HNF1B: variants seen among roughly 807,000 people sequenced by gnomAD.
The protein encoded by HNF1B is hepatocyte nuclear factor 1-beta.
Under a neutral mutation model 61.7 loss-of-function variants are expected in HNF1B, and 8 were observed. That is an observed-to-expected ratio of 0.13 (90% CI 0.08 to 0.23). The LOEUF is 0.23. Among genes scored for constraint, HNF1B ranks in the 10% least tolerant of loss-of-function variants. HNF1B has a pLI of 1.00. For missense variants in HNF1B, 562 were observed against 714.5 expected (o/e 0.79, Z 2.43); for synonymous variants, 314 against 287.7 (o/e 1.09, Z -0.93).
intron 4 of HNF1B, among the ~76,000 whole-genome samples, chr17:37,721,663 C>G (rs1264785005): frequency 1.3e-5 from 2 of 152,196 alleles, no homozygotes; most frequent in East Asian, 3.9e-4. Flanking sequence ...TCAGAACTCT[C>G]CTGCTCCATC....
intron 8 of HNF1B, among the ~76,000 whole-genome samples, chr17:37,693,650 A>G (rs1414179297): frequency 6.6e-6 from 1 of 152,188 alleles, no homozygotes; most frequent in Non-Finnish European, 1.5e-5. Context: ...TTTGACCAAG[A>G]AATCCTTCTC....
Position 37,710,711 on chromosome 17 carries a change from C to G in HNF1B, c.1046-48G>C, listed in dbSNP as rs189520630. On this transcript the variant is annotated intron_variant, in intron 4 of 8. Coordinates refer to ENST00000617811, the MANE Select transcript of HNF1B (RefSeq NM_000458.4). ...TAGGGAACATTAGTGCCACCAGGGT[C>G]CTGGAACAATGACTCGGCACCTCTT... is the stretch of plus-strand genomic sequence containing the variant. The G allele has an allele frequency of 1.6e-5, 26 of 1,583,558 alleles. No individual in the cohort carries two copies. The East Asian group carries it at 5.4e-4, about 33-fold the overall frequency.
At chr17:37,703,491 T>C (rs760149840) in intron 6 of HNF1B, among the ~76,000 whole-genome samples, 6 of 152,184 alleles carry the variant, frequency 3.9e-5, no homozygotes, top group Non-Finnish European at 7.3e-5. Flanking sequence ...GTTTGTTTAT[T>C]ATTTTGGTTG....
At chr17:37,723,939 A>T (rs539589390) in intron 4 of HNF1B, among the ~76,000 whole-genome samples, 29 of 152,204 alleles carry the variant, frequency 1.9e-4, no homozygotes, top group Non-Finnish European at 3.7e-4. Flanking sequence ...AAGGTCACAC[A>T]GCAGTAAGTG....
chr17:37,706,025 C>G lies in HNF1B; in HGVS notation c.1207-976G>C, dbSNP rs574120191. Among the ~76,000 whole-genome samples, 5 of 152,222 alleles carry G rather than the reference C, an allele frequency of 3.3e-5. No individual in the cohort carries two copies. In the South Asian group the frequency reaches 1.0e-3, roughly 32 times the overall value. ...CCAGGCTGGAGTGCAGTGGCATGATCTCTGCTCACTGCAACCTCCGCCTTG... is the reference window on the plus strand; with the variant it reads ...CCAGGCTGGAGTGCAGTGGCATGATGTCTGCTCACTGCAACCTCCGCCTTG... On this transcript the variant is annotated intron_variant, in intron 5 of 8. Coordinates refer to ENST00000617811, the MANE Select transcript of HNF1B (RefSeq NM_000458.4).
chr17:37,694,805 G>A (rs1485789402), intron 8 of HNF1B, among the ~76,000 whole-genome samples: 3 of 152,096 alleles, frequency 2.0e-5, no homozygotes, highest in South Asian at 4.1e-4. Context: ...ATTTCTAAGC[G>A]GTAAAACATT....
intron 8 of HNF1B, among the ~76,000 whole-genome samples, 175 bp downstream of exon 8, chr17:37,698,901 G>A (rs1231071476): frequency 1.1e-5 from 1 of 92,768 alleles, no homozygotes; most frequent in African/African-American, 5.3e-5. Flanking sequence ...AGCCCTTTCA[G>A]CCTGTGGCCC....
chr17:37,731,758 G>C lies in HNF1B; in HGVS notation c.882C>G (p.Val294=), dbSNP rs781668277. 1 of 1,614,038 alleles carries C rather than the reference G, an allele frequency of 6.2e-7. No homozygotes were observed. The highest frequency in any genetic ancestry group is 8.5e-7 in the Non-Finnish European group (1 of 1,179,998). The change falls in exon 4 of 9, where the codon GTC becomes GTG. Residue 294 remains valine (V), a synonymous_variant. Transcript: ENST00000617811. ...HGLGSNLVTE[V]RVYNWFANRR... ...GGTTTGCAAACCAGTTGTAGACACG[G>C]ACCTCAGTGACCAAGTTGGAGCCCA...
At chr17:37,702,517 T>G (rs561854218) in intron 6 of HNF1B, among the ~76,000 whole-genome samples, 3 of 152,218 alleles carry the variant, frequency 2.0e-5, no homozygotes, top group Non-Finnish European at 4.4e-5. Flanking sequence ...GATACCCTGA[T>G]GACCGATGAC....
At chr17:37,699,775 A>T (rs1428249112) in intron 7 of HNF1B, among the ~76,000 whole-genome samples, 1 of 152,104 alleles carries the variant, frequency 6.6e-6, no homozygotes, top group East Asian at 1.9e-4. Flanking sequence ...GAAGCCACTA[A>T]AATGTGATTG....
intron 4 of HNF1B, chr17:37,731,312 T>C: frequency 1.7e-6 from 1 of 574,636 alleles, no homozygotes; most frequent in South Asian, 2.0e-5. Context: ...GACCGCTGAG[T>C]CAGCAGCCAC....
intron 4 of HNF1B, among the ~76,000 whole-genome samples, chr17:37,726,635 G>C (rs1235403357): frequency 2.0e-5 from 3 of 152,224 alleles, no homozygotes; most frequent in African/African-American, 7.2e-5. Flanking sequence ...GAGGGGCTGT[G>C]AAGGGGGATG....
At chr17:37,697,000 GAC>G (rs1448790092) in intron 8 of HNF1B, among the ~76,000 whole-genome samples, 1 of 152,102 alleles carries the variant, frequency 6.6e-6, no homozygotes, top group African/African-American at 2.4e-5. Flanking sequence ...TCTTGTTCCT[GAC>G]CACAAAGACA....
In HNF1B at chr17:37,696,393, C is replaced by T. The variant is rs145944433; in HGVS notation, c.1653+2683G>A. Among the ~76,000 whole-genome samples the T allele has an allele frequency of 5.7e-4, 87 of 152,182 alleles. No individual in the cohort carries two copies. The East Asian group carries it at 0.016, about 29-fold the overall frequency. ...TTAAAGCTGCAGTGAGCTGTGATTG[C>T]GCCACTGCACTCCAGCCTGGGTGAC... On this transcript the variant is annotated intron_variant, in intron 8 of 8. Coordinates refer to ENST00000617811, the MANE Select transcript of HNF1B (RefSeq NM_000458.4).
At chr17:37,700,574 T>A (rs148130314) in intron 7 of HNF1B, among the ~76,000 whole-genome samples, 3 of 152,336 alleles carry the variant, frequency 2.0e-5, no homozygotes, top group Non-Finnish European at 4.4e-5. Context: ...ATGCCAATTG[T>A]GATCATTTGA....
At chr17:37,744,508 G>T in intron 1 of HNF1B, 33 bp downstream of exon 1, 1 of 1,593,268 alleles carries the variant, frequency 6.3e-7, no homozygotes, top group Non-Finnish European at 8.5e-7. Flanking sequence ...CCAGGGGTTC[G>T]GGTGGGTCCC....
chr17:37,692,107 A>C (rs2032224308), intron 8 of HNF1B, among the ~76,000 whole-genome samples: 1 of 152,232 alleles, frequency 6.6e-6, no homozygotes, highest in Non-Finnish European at 1.5e-5. Context: ...GCCAGCACCC[A>C]AGAGTTGAGA....
chr17:37,693,045 C>G (rs901165632), intron 8 of HNF1B, among the ~76,000 whole-genome samples: 1 of 151,844 alleles, frequency 6.6e-6, no homozygotes, highest in South Asian at 2.1e-4. Flanking sequence ...AAAAAATTAG[C>G]CAGGTGTGGT....
chr17:37,693,862 G>A (rs2032287899), intron 8 of HNF1B, among the ~76,000 whole-genome samples: 1 of 152,194 alleles, frequency 6.6e-6, no homozygotes, highest in South Asian at 2.1e-4. Flanking sequence ...ATTCACACAA[G>A]ATCTGGTTGT....
Sources: gnomAD v4.1 joint callset for allele counts (sites outside exome capture counted in the v4.1 genomes callset) on GRCh38, gnomAD v4.1.1 for gene constraint, MANE v1.5 for transcripts, NCBI Gene and HGNC (gene_info 2026-07-23, HGNC 2026-07-21) for gene names.